SPATA31H1: variants seen among roughly 807,000 people sequenced by gnomAD.
The protein encoded by SPATA31H1 is SPATA31 subfamily H member 1, also known as spermatogenesis-associated protein 31H1.
the SPATA31H1 span, chr2:27,573,344 T>C: frequency 2.5e-6 from 1 of 398,450 alleles, no homozygotes; most frequent in Non-Finnish European, 4.4e-6. Context: ...GTGTGAACTC[T>C]GTGCAGTGGA....
the SPATA31H1 span, among the ~76,000 whole-genome samples, chr2:27,550,411 A>ATTT: frequency 4.1e-3 from 387 of 94,552 alleles, 17 homozygotes; most frequent in Middle Eastern, 0.014. Context: ...TGGGTGTTAA[A>ATTT]TTTTTTTTTT....
chr2:27,543,124 A>AC, the SPATA31H1 span, among the ~76,000 whole-genome samples: 2 of 151,084 alleles, frequency 1.3e-5, no homozygotes, highest in African/African-American at 4.9e-5. Flanking sequence ...ACACACACAA[A>AC]CCCCCCAAAG....
At chr2:27,541,869 C>G in the SPATA31H1 span, among the ~76,000 whole-genome samples, 1 of 151,964 alleles carries the variant, frequency 6.6e-6, no homozygotes, top group East Asian at 1.9e-4. Context: ...CTCCTGAGCT[C>G]GAGTGATTCT....
At chr2:27,541,286 T>G in the SPATA31H1 span, among the ~76,000 whole-genome samples, 1 of 151,554 alleles carries the variant, frequency 6.6e-6, no homozygotes, top group Non-Finnish European at 1.5e-5. Context: ...TCGCAGGCAC[T>G]CGGCAGGCTG....
chr2:27,539,261 C>T, the SPATA31H1 span, among the ~76,000 whole-genome samples: 2 of 140,910 alleles, frequency 1.4e-5, no homozygotes, highest in Non-Finnish European at 2.9e-5. Context: ...TGCGGCCTTC[C>T]GGCCTTCCGC....
the SPATA31H1 span, chr2:27,573,075 T>C: frequency 7.6e-6 from 3 of 396,270 alleles, no homozygotes; most frequent in Non-Finnish European, 1.3e-5. Flanking sequence ...TGGTTCACAA[T>C]CTCGAGGTGT....
At chr2:27,547,460 C>A in the SPATA31H1 span, among the ~76,000 whole-genome samples, 2 of 151,982 alleles carry the variant, frequency 1.3e-5, no homozygotes, top group Admixed American at 6.6e-5. Context: ...CAGGTGTGAG[C>A]CACCAGGCCT....
the SPATA31H1 span, chr2:27,581,270 T>C: frequency 1.2e-6 from 2 of 1,614,172 alleles, no homozygotes; most frequent in African/African-American, 1.3e-5. Context: ...GGAGAAACCA[T>C]CGCAGTCCCT....
At chr2:27,579,291 C>T in the SPATA31H1 span, 6 of 1,614,046 alleles carry the variant, frequency 3.7e-6, no homozygotes, top group Admixed American at 1.7e-5. Flanking sequence ...GGAAAGGAAG[C>T]TTTGTTCTCA....
At chr2:27,542,927 A>G in the SPATA31H1 span, among the ~76,000 whole-genome samples, 1 of 151,894 alleles carries the variant, frequency 6.6e-6, no homozygotes, top group Non-Finnish European at 1.5e-5. Flanking sequence ...AAATACAAAA[A>G]TTAGCTGGGT....
chr2:27,570,391 T>C, the SPATA31H1 span: 1 of 398,888 alleles, frequency 2.5e-6, no homozygotes, highest in East Asian at 3.6e-5. Context: ...GATATCAAAT[T>C]TTCTGAATTG....
the SPATA31H1 span, chr2:27,580,453 C>A: frequency 6.2e-6 from 10 of 1,614,100 alleles, no homozygotes; most frequent in Non-Finnish European, 8.5e-6. Context: ...AAGAGAATCA[C>A]CAAGCGACTT....
chr2:27,556,865 C>G, the SPATA31H1 span, among the ~76,000 whole-genome samples: 2 of 104,086 alleles, frequency 1.9e-5, no homozygotes, highest in Admixed American at 1.1e-4. Context: ...CTTGGCCTTC[C>G]GCAGTGTTTG....
the SPATA31H1 span, among the ~76,000 whole-genome samples, chr2:27,564,553 A>G: frequency 6.6e-6 from 1 of 152,142 alleles, no homozygotes; most frequent in East Asian, 1.9e-4. Context: ...GCAGTGGCTC[A>G]CACCTGTAAT....
the SPATA31H1 span, among the ~76,000 whole-genome samples, chr2:27,544,049 T>C: frequency 6.6e-6 from 1 of 151,982 alleles, no homozygotes; most frequent in African/African-American, 2.4e-5. Flanking sequence ...TTCTTTGGTA[T>C]GGGAATACAT....
At chr2:27,581,472 T>C in the SPATA31H1 span, 2 of 1,613,384 alleles carry the variant, frequency 1.2e-6, no homozygotes, top group Non-Finnish European at 1.7e-6. Flanking sequence ...TCACAGTCCC[T>C]CTCAGAGGAG....
the SPATA31H1 span, chr2:27,574,294 A>T: frequency 2.5e-6 from 1 of 398,576 alleles, no homozygotes; most frequent in Non-Finnish European, 4.4e-6. Context: ...CCACACTTAC[A>T]GACTGTGAAA....
At chr2:27,573,685 T>A in the SPATA31H1 span, 1 of 398,438 alleles carries the variant, frequency 2.5e-6, no homozygotes, top group Non-Finnish European at 4.4e-6. Flanking sequence ...TCTTCTGAGT[T>A]GACCCCAAGA....
At chr2:27,582,448 A>G in the SPATA31H1 span, 2 of 1,614,194 alleles carry the variant, frequency 1.2e-6, no homozygotes, top group Non-Finnish European at 1.7e-6. Context: ...AGAGATTTCA[A>G]GAATCAAACA....
Sources: gnomAD v4.1 joint callset for allele counts (sites outside exome capture counted in the v4.1 genomes callset) on GRCh38, gnomAD v4.1.1 for gene constraint, MANE v1.5 for transcripts, NCBI Gene and HGNC (gene_info 2026-07-23, HGNC 2026-07-21) for gene names.